Variants in XIRP2 observed in about 807,000 individuals in gnomAD.
The protein encoded by XIRP2 is xin actin-binding repeat-containing protein 2.
XIRP2 carries 236 observed loss-of-function variants against 277.0 expected under a neutral mutation model. That is an observed-to-expected ratio of 0.85 (90% CI 0.77 to 0.95). The LOEUF is 0.95. Ranked by LOEUF, XIRP2 falls within the 40% of genes least tolerant of loss-of-function variation. The pLI, the probability that XIRP2 is intolerant of heterozygous loss-of-function variation, is 0.00. For missense variants in XIRP2, 4,640 were observed against 4,157.5 expected, an observed-to-expected ratio of 1.12 and a Z score of -3.19; for synonymous variants, 1,490 against 1,416.5, an observed-to-expected ratio of 1.05 and a Z score of -1.17.
chr2:166,977,825 T>C (rs1369719307), intron 2 of XIRP2, among the ~76,000 whole-genome samples: 4 of 152,142 alleles, frequency 2.6e-5, no homozygotes, highest in Non-Finnish European at 4.4e-5. Flanking sequence ...ATTCATAGGG[T>C]ATCAAGTAAT....
chr2:167,099,523 C>A (rs558940827), intron 2 of XIRP2, among the ~76,000 whole-genome samples: 1 of 151,758 alleles, frequency 6.6e-6, no homozygotes, highest in African/African-American at 2.4e-5. Flanking sequence ...GTGAACAGTT[C>A]TGTCTCTCTG....
At chr2:167,196,008 A>G (rs958665239) in intron 3 of XIRP2, among the ~76,000 whole-genome samples, 1 of 152,078 alleles carries the variant, frequency 6.6e-6, no homozygotes, top group Non-Finnish European at 1.5e-5. Context: ...TTTTCCCATA[A>G]TGTGCTACTT....
chr2:167,023,366 G>A (rs1337448583), intron 2 of XIRP2, among the ~76,000 whole-genome samples: 2 of 152,020 alleles, frequency 1.3e-5, no homozygotes, highest in Non-Finnish European at 2.9e-5. Context: ...CCCTTTGTCA[G>A]ATGAGTAGGT....
Position 167,243,514 on chromosome 2 carries a change from C to A in XIRP2, c.2122C>A (p.His708Asn). The A allele has an allele frequency of 6.2e-7, 1 of 1,614,024 alleles. No homozygotes were observed. The highest frequency in any genetic ancestry group is 8.5e-7 in the Non-Finnish European group (1 of 1,179,966). The change falls in exon 9 of 11, where the codon CAT (histidine) becomes AAT (asparagine). Residue 708 changes from histidine (H) to asparagine (N), a missense_variant. His to Asn is a moderately conservative substitution (Grantham distance 68). Transcript: ENST00000409195. Reference protein sequence around the residue: ...TQHLDQLGQLHSVDEVHLLQL... With the variant: ...TQHLDQLGQLNSVDEVHLLQL... ...ACATCTAGATCAACTTGGACAGCTT[C>A]ATTCAGTGGATGAGGTTCATTTACT...
chr2:167,235,752 C>T (rs1203913770), intron 5 of XIRP2, among the ~76,000 whole-genome samples: 2 of 151,786 alleles, frequency 1.3e-5, no homozygotes, highest in Non-Finnish European at 2.9e-5. Flanking sequence ...GTGGAAAAGC[C>T]TTTACATAAA....
intron 2 of XIRP2, among the ~76,000 whole-genome samples, chr2:167,020,528 C>A (rs1005850941): frequency 6.6e-6 from 1 of 151,890 alleles, no homozygotes; most frequent in Non-Finnish European, 1.5e-5. Flanking sequence ...ATATCAAACT[C>A]TTCTATTCGT....
intron 2 of XIRP2, among the ~76,000 whole-genome samples, chr2:167,031,129 G>T (rs1234616083): frequency 2.0e-5 from 3 of 151,638 alleles, no homozygotes; most frequent in African/African-American, 7.3e-5. Context: ...GCACACCAAT[G>T]GGTCTTGACT....
intron 2 of XIRP2, among the ~76,000 whole-genome samples, chr2:167,072,888 A>G (rs550551811): frequency 1.3e-5 from 2 of 152,328 alleles, no homozygotes; most frequent in East Asian, 1.9e-4. Flanking sequence ...CATAAAGTGT[A>G]TAAAACATTT....
At chr2:167,233,045 G>C (rs1025055568) in intron 5 of XIRP2, among the ~76,000 whole-genome samples, 1 of 151,898 alleles carries the variant, frequency 6.6e-6, no homozygotes, top group South Asian at 2.1e-4. Flanking sequence ...TATAAATGAG[G>C]CTCATTGGAA....
intron 2 of XIRP2, among the ~76,000 whole-genome samples, chr2:166,961,107 T>C (rs1047304051): frequency 6.6e-6 from 1 of 151,780 alleles, no homozygotes; most frequent in Non-Finnish European, 1.5e-5. Flanking sequence ...ACTGGCAAAC[T>C]TGCAGCTAGG....
intron 1 of XIRP2, among the ~76,000 whole-genome samples, chr2:166,896,043 A>G (rs1008466199): frequency 6.6e-6 from 1 of 152,156 alleles, no homozygotes; most frequent in Non-Finnish European, 1.5e-5. Flanking sequence ...AATTTATGCT[A>G]AAAGGTTCCC....
intron 2 of XIRP2, among the ~76,000 whole-genome samples, chr2:167,009,577 C>T (rs1687607103): frequency 6.6e-6 from 1 of 151,998 alleles, no homozygotes. Flanking sequence ...TGGGTATATA[C>T]CCAGTAATGG....
At chr2:167,113,700 T>A (rs1171011856) in intron 2 of XIRP2, among the ~76,000 whole-genome samples, 1 of 152,222 alleles carries the variant, frequency 6.6e-6, no homozygotes, top group Non-Finnish European at 1.5e-5. Context: ...CTGGTTATTA[T>A]GCAGACTTGT....
intron 2 of XIRP2, among the ~76,000 whole-genome samples, chr2:166,961,757 C>T (rs1231076274): frequency 6.6e-6 from 1 of 151,690 alleles, no homozygotes; most frequent in Non-Finnish European, 1.5e-5. Context: ...TTACCTTCCT[C>T]GCATGGAGTG....
chr2:166,932,900 T>A (rs189163700), intron 2 of XIRP2, among the ~76,000 whole-genome samples: 1 of 152,194 alleles, frequency 6.6e-6, no homozygotes, highest in Non-Finnish European at 1.5e-5. Context: ...TCATTTGGTC[T>A]GTTTGTCCAT....
intron 2 of XIRP2, among the ~76,000 whole-genome samples, chr2:166,961,960 T>G (rs983268561): frequency 7.9e-5 from 12 of 151,570 alleles, no homozygotes; most frequent in Middle Eastern, 3.2e-3. Context: ...TTAAGGAAAA[T>G]TCAGTAAAAT....
chr2:167,013,337 A>T (rs573438618), intron 2 of XIRP2, among the ~76,000 whole-genome samples: 1 of 151,446 alleles, frequency 6.6e-6, no homozygotes, highest in Non-Finnish European at 1.5e-5. Flanking sequence ...GCACATAGGA[A>T]AAAAACAATT....
chr2:167,153,383 T>C (rs1692077747), intron 3 of XIRP2, among the ~76,000 whole-genome samples: 1 of 151,042 alleles, frequency 6.6e-6, no homozygotes, highest in Non-Finnish European at 1.5e-5. Context: ...TTTAAGTTTC[T>C]GAACTCAAAA....
intron 4 of XIRP2, among the ~76,000 whole-genome samples, chr2:167,215,954 A>G (rs540662522): frequency 1.3e-5 from 2 of 152,192 alleles, no homozygotes; most frequent in East Asian, 3.9e-4. Flanking sequence ...ATGGAACAGA[A>G]CAGAGCCCTC....
Sources: gnomAD v4.1 joint callset for allele counts (sites outside exome capture counted in the v4.1 genomes callset) on GRCh38, gnomAD v4.1.1 for gene constraint, MANE v1.5 for transcripts, NCBI Gene and HGNC (gene_info 2026-07-23, HGNC 2026-07-21) for gene names.